Variants in CDH13 observed in about 807,000 individuals in gnomAD.
CDH13 encodes the protein cadherin-13.
A neutral mutation model predicts 63.8 loss-of-function variants in CDH13; 24 were observed. The observed-to-expected ratio is 0.38, with a 90% CI of 0.27 to 0.53. CDH13 has a LOEUF of 0.53. CDH13 is among the 20% of genes least tolerant of loss of function. CDH13 has a pLI of 0.85. For synonymous variants in CDH13, 503 were observed against 355.3 expected, an observed-to-expected ratio of 1.42 and a Z score of -4.67; for missense variants, 1,049 against 903.1, an observed-to-expected ratio of 1.16 and a Z score of -2.07.
intron 8 of CDH13, among the ~76,000 whole-genome samples, chr16:83,629,697 A>G (rs1910613846): frequency 6.6e-6 from 1 of 152,210 alleles, no homozygotes; most frequent in Non-Finnish European, 1.5e-5. Flanking sequence ...TCTACTCTCC[A>G]CTTCATTCAC....
At chr16:82,913,780 G>A (rs867882831) in intron 2 of CDH13, among the ~76,000 whole-genome samples, 1 of 151,982 alleles carries the variant, frequency 6.6e-6, no homozygotes, top group Non-Finnish European at 1.5e-5. Flanking sequence ...GATGAAGGGG[G>A]TGCAGGTAGA....
chr16:83,603,282 G>T (rs1234186968), intron 8 of CDH13, among the ~76,000 whole-genome samples: 2 of 152,210 alleles, frequency 1.3e-5, no homozygotes, highest in African/African-American at 4.8e-5. Flanking sequence ...CTGGGCCAGG[G>T]CATGGATTTG....
rs754353938 is a variant in CDH13 at position 83,754,104 on chromosome 16, C to T, written c.1681+5854C>T. Among the ~76,000 whole-genome samples, 4 of 152,202 alleles carry T rather than the reference C, an allele frequency of 2.6e-5. No homozygotes were observed. The East Asian group carries it at 7.7e-4, about 29-fold the overall frequency. On this transcript the variant is annotated intron_variant, in intron 11 of 13. Transcript: ENST00000567109. ...CTGGAAACTTGAGGGGCTGCTTTTCCTCTGTGGACAAATGCCCTAAAGGAC... is the reference window on the plus strand; with the variant it reads ...CTGGAAACTTGAGGGGCTGCTTTTCTTCTGTGGACAAATGCCCTAAAGGAC...
At chr16:83,178,181 C>G (rs1165643589) in intron 4 of CDH13, among the ~76,000 whole-genome samples, 1 of 152,110 alleles carries the variant, frequency 6.6e-6, no homozygotes, top group Non-Finnish European at 1.5e-5. Context: ...AGCCTCAGAA[C>G]TATAGACATT....
chr16:82,866,857 G>A (rs143276892), intron 2 of CDH13, among the ~76,000 whole-genome samples: 4 of 152,252 alleles, frequency 2.6e-5, no homozygotes, highest in Non-Finnish European at 5.9e-5. Flanking sequence ...TATCACGAGA[G>A]CAGCATAGAG....
At chr16:82,934,679 A>G (rs943983725) in intron 2 of CDH13, among the ~76,000 whole-genome samples, 8 of 152,154 alleles carry the variant, frequency 5.3e-5, no homozygotes, top group African/African-American at 1.9e-4. Flanking sequence ...TTCTTCCACC[A>G]GATACCCTAC....
intron 1 of CDH13, among the ~76,000 whole-genome samples, chr16:82,734,528 C>T (rs1319276955): frequency 6.6e-6 from 1 of 152,116 alleles, no homozygotes; most frequent in Non-Finnish European, 1.5e-5. Flanking sequence ...GAGGATTCTG[C>T]AGAGTGTTAA....
chr16:83,320,464 A>G (rs542547657), intron 5 of CDH13, among the ~76,000 whole-genome samples: 2 of 152,236 alleles, frequency 1.3e-5, no homozygotes, highest in Non-Finnish European at 2.9e-5. Context: ...GGCTGGACAC[A>G]GGATGAAACA....
chr16:83,015,424 A>C (rs1914659340), intron 2 of CDH13, among the ~76,000 whole-genome samples: 1 of 151,696 alleles, frequency 6.6e-6, no homozygotes, highest in African/African-American at 2.4e-5. Context: ...AAGAGAAAAA[A>C]AAAAGTGTCA....
chr16:83,534,399 T>C (rs753928698), intron 7 of CDH13, among the ~76,000 whole-genome samples: 1 of 152,226 alleles, frequency 6.6e-6, no homozygotes, highest in African/African-American at 2.4e-5. Context: ...CAGTGCATTT[T>C]CATGGGGCCG....
chr16:82,823,788 G>A (rs1597711344), intron 1 of CDH13: 1 of 152,152 alleles, frequency 6.6e-6, no homozygotes, highest in South Asian at 2.1e-4. Context: ...GGAAGAAGAT[G>A]CAGATATAAG....
chr16:83,017,240 A>T (rs909820686), intron 2 of CDH13, among the ~76,000 whole-genome samples: 1 of 152,138 alleles, frequency 6.6e-6, no homozygotes, highest in Non-Finnish European at 1.5e-5. Context: ...TTTGACACAC[A>T]GGGTCTTCTG....
intron 4 of CDH13, among the ~76,000 whole-genome samples, chr16:83,153,309 C>A (rs376584108): frequency 6.6e-6 from 1 of 151,992 alleles, no homozygotes; most frequent in East Asian, 1.9e-4. Flanking sequence ...TCAGATGGGC[C>A]AGTGTCTCTA....
At chr16:83,082,867 G>C (rs1276209954) in intron 3 of CDH13, among the ~76,000 whole-genome samples, 4 of 152,326 alleles carry the variant, frequency 2.6e-5, no homozygotes, top group African/African-American at 9.6e-5. Context: ...TGTTTTAACA[G>C]CAACAGTGAA....
chr16:83,691,797 C>G (rs1598488052), intron 10 of CDH13, among the ~76,000 whole-genome samples: 1 of 152,282 alleles, frequency 6.6e-6, no homozygotes, highest in South Asian at 2.1e-4. Flanking sequence ...ATCCACTTCC[C>G]TAACACAGCC....
intron 5 of CDH13, among the ~76,000 whole-genome samples, chr16:83,257,396 A>G (rs62040389): frequency 0.072 from 10,900 of 152,232 alleles, 546 homozygotes; most frequent in East Asian, 0.24. Flanking sequence ...CCCAAAGGCC[A>G]AAGTTCATGG....
intron 2 of CDH13, among the ~76,000 whole-genome samples, chr16:82,992,648 A>T (rs2151408235): frequency 6.6e-6 from 1 of 152,318 alleles, no homozygotes; most frequent in African/African-American, 2.4e-5. Context: ...CTATAAAGAC[A>T]TTTTTTAAAA....
intron 10 of CDH13, among the ~76,000 whole-genome samples, chr16:83,683,517 C>T (rs540466263): frequency 2.6e-5 from 4 of 152,132 alleles, no homozygotes; most frequent in South Asian, 2.1e-4. Flanking sequence ...TCCCAGTATA[C>T]GCTGAACAGC....
At chr16:83,266,256 C>G (rs1019911069) in intron 5 of CDH13, among the ~76,000 whole-genome samples, 4 of 152,088 alleles carry the variant, frequency 2.6e-5, no homozygotes, top group African/African-American at 9.7e-5. Flanking sequence ...TTTGCCTTAC[C>G]ATTTGTGCAG....
Sources: gnomAD v4.1 joint callset for allele counts (sites outside exome capture counted in the v4.1 genomes callset) on GRCh38, gnomAD v4.1.1 for gene constraint, MANE v1.5 for transcripts, NCBI Gene and HGNC (gene_info 2026-07-23, HGNC 2026-07-21) for gene names.